MGST1: variants seen among roughly 807,000 people sequenced by gnomAD.
MGST1 encodes the protein glutathione S-transferase 12.
Under a neutral mutation model 8.9 loss-of-function variants are expected in MGST1, and 5 were observed. The ratio of observed to expected loss-of-function variants is 0.56; its 90% CI spans 0.29 to 1.19. The LOEUF is 1.19. Ranked by LOEUF, MGST1 falls within the 50% of genes most tolerant of loss-of-function variation. The probability of loss-of-function intolerance (pLI) is 0.08; values close to 1 mark genes in which losing one functional copy is unlikely to be tolerated. For synonymous variants in MGST1, 54 were observed against 67.8 expected, an observed-to-expected ratio of 0.80 and a Z score of 1.00; for missense variants, 182 against 187.4, an observed-to-expected ratio of 0.97 and a Z score of 0.17.
chr12:16,444,556 C>T (rs1272542695), intron 4 of MGST1, among the ~76,000 whole-genome samples: 1 of 151,914 alleles, frequency 6.6e-6, no homozygotes, highest in Non-Finnish European at 1.5e-5. Flanking sequence ...CAGACACCAT[C>T]ATTTTCAGCT....
chr12:16,360,144 T>G (rs1939921126), intron 3 of MGST1, among the ~76,000 whole-genome samples: 1 of 152,104 alleles, frequency 6.6e-6, no homozygotes, highest in South Asian at 2.1e-4. Context: ...GAGCGGAGTT[T>G]CCAGTTGTAT....
intron 4 of MGST1, among the ~76,000 whole-genome samples, chr12:16,521,516 G>C (rs75382574): frequency 6.6e-6 from 1 of 152,060 alleles, no homozygotes; most frequent in Non-Finnish European, 1.5e-5. Flanking sequence ...AGGCAGTAAA[G>C]AGTTTAATTC....
Position 16,387,814 on chromosome 12 carries a change from C to T in MGST1, n.778+4210C>T, listed in dbSNP as rs935031750. ...GTGCTGGATTACAGGCGTGAGCCGC[C>T]GCACCCTGCTGTTTTCTACTGTATT... On this transcript the variant is annotated intron_variant and non_coding_transcript_variant, in intron 1 of 1. Transcript: ENST00000359720. 2.0e-5 allele frequency among the ~76,000 whole-genome samples: 3 copies of T among 151,724 alleles called. 1 individual carries two copies. Among genetic ancestry groups the T allele is most frequent in the Admixed American group, 2.0e-4 (3 of 15,250 alleles).
chr12:16,457,806 T>C (rs1195026616), intron 4 of MGST1, among the ~76,000 whole-genome samples: 2 of 152,168 alleles, frequency 1.3e-5, no homozygotes, highest in East Asian at 1.9e-4. Context: ...TTCATTATAA[T>C]AGACAGCTTT....
At chr12:16,354,434 C>T in intron 2 of MGST1, 56 bp downstream of exon 2, 1 of 1,539,184 alleles carries the variant, frequency 6.5e-7, no homozygotes, top group Non-Finnish European at 8.7e-7. Context: ...TTCTGGAGAG[C>T]AGTTTTCTTA....
intron 4 of MGST1, among the ~76,000 whole-genome samples, chr12:16,511,315 C>T (rs1941575924): frequency 6.6e-6 from 1 of 152,312 alleles, no homozygotes; most frequent in South Asian, 2.1e-4. Flanking sequence ...GGCTAATGCC[C>T]ATGACTTTGG....
intron 4 of MGST1, among the ~76,000 whole-genome samples, chr12:16,534,139 T>G (rs1347490694): frequency 6.6e-6 from 1 of 152,126 alleles, no homozygotes; most frequent in Non-Finnish European, 1.5e-5. Context: ...ACTATTTAGC[T>G]TACTTTTCCA....
At chr12:16,360,598 C>T (rs1239344227) in intron 3 of MGST1, among the ~76,000 whole-genome samples, 2 of 152,172 alleles carry the variant, frequency 1.3e-5, no homozygotes, top group Non-Finnish European at 2.9e-5. Flanking sequence ...AGACCATATA[C>T]ATTCAACACA....
At chr12:16,550,601 T>C (rs1481711709) in intron 4 of MGST1, 1 of 152,358 alleles carries the variant, frequency 6.6e-6, no homozygotes, top group African/African-American at 2.4e-5. Flanking sequence ...TAGGGGGTTA[T>C]AACAAGAACA....
At chr12:16,479,426 G>A (rs1356205373) in intron 4 of MGST1, among the ~76,000 whole-genome samples, 2 of 151,458 alleles carry the variant, frequency 1.3e-5, no homozygotes, top group Non-Finnish European at 2.9e-5. Flanking sequence ...AGTAGAGACA[G>A]GGTTTCACCG....
At chr12:16,402,215 A>G in intron 1 of MGST1, 1 of 1,586,962 alleles carries the variant, frequency 6.3e-7, no homozygotes, top group South Asian at 1.1e-5. Flanking sequence ...TTTTGTCATC[A>G]CAAAAGACCA....
intron 1 of MGST1, among the ~76,000 whole-genome samples, chr12:16,425,478 T>C (rs1940877625): frequency 6.6e-6 from 1 of 152,160 alleles, no homozygotes; most frequent in Admixed American, 6.5e-5. Context: ...GAGACAGGGT[T>C]TCTCCATGTT....
At chr12:16,405,256 G>C (rs370270268) in intron 1 of MGST1, among the ~76,000 whole-genome samples, 13 of 151,790 alleles carry the variant, frequency 8.6e-5, no homozygotes, top group African/African-American at 2.7e-4. Context: ...AGCTGGTTTC[G>C]TGGAGAAATT....
intron 4 of MGST1, among the ~76,000 whole-genome samples, chr12:16,489,211 G>A (rs1163819694): frequency 6.6e-6 from 1 of 151,796 alleles, no homozygotes; most frequent in Non-Finnish European, 1.5e-5. Flanking sequence ...AACAATTTTG[G>A]GCCATTATAA....
Position 16,544,891 on chromosome 12 carries a change from C to A in MGST1, n.483-44637C>A, listed in dbSNP as rs894963561. On this transcript the variant is annotated intron_variant and non_coding_transcript_variant, in intron 4 of 4. Transcript: ENST00000538857. This position sits in a 1 kb window ranked among gnomAD's most constrained non-coding sequence, Gnocchi z 4.8. ...TGGCTGAAGTTTGCATCATTTTGGA[C>A]AGCATAGCTAGTTCTTGTGCCCCAA... Among the ~76,000 whole-genome samples the A allele has an allele frequency of 2.6e-5, 4 of 152,056 alleles. No individual in the cohort carries two copies. Among genetic ancestry groups the A allele is most frequent in the African/African-American group, 9.7e-5 (4 of 41,444 alleles).
At chr12:16,463,478 A>G (rs1164338221) in intron 4 of MGST1, among the ~76,000 whole-genome samples, 1 of 151,970 alleles carries the variant, frequency 6.6e-6, no homozygotes, top group Non-Finnish European at 1.5e-5. Context: ...GAGCTAATAG[A>G]TGCTGGGCTT....
chr12:16,500,428 C>G lies in MGST1; in HGVS notation n.483-89100C>G, dbSNP rs1016019798. ...AGGGACACATTTCAAGCAGTTTCAACTCTTTTAATTAGAATTTATTTTTAG... is the reference window on the plus strand; with the variant it reads ...AGGGACACATTTCAAGCAGTTTCAAGTCTTTTAATTAGAATTTATTTTTAG... On this transcript the variant is annotated intron_variant and non_coding_transcript_variant, in intron 4 of 4. Coordinates refer to the MGST1 transcript ENST00000538857. This position sits in a 1 kb window ranked among gnomAD's most constrained non-coding sequence, Gnocchi z 4.3. 6.6e-6 allele frequency among the ~76,000 whole-genome samples: 1 copy of G among 152,188 alleles called. No homozygotes were observed. Among genetic ancestry groups the G allele is most frequent in the Non-Finnish European group, 1.5e-5 (1 of 68,028 alleles).
intron 4 of MGST1, among the ~76,000 whole-genome samples, chr12:16,448,426 A>G (rs1941099800): frequency 1.3e-5 from 2 of 151,768 alleles, no homozygotes; most frequent in Admixed American, 1.3e-4. Flanking sequence ...TCAGCTAAGC[A>G]AGGGCAGGCT....
chr12:16,486,517 A>G (rs1463930967), intron 4 of MGST1, among the ~76,000 whole-genome samples: 1 of 152,254 alleles, frequency 6.6e-6, no homozygotes, highest in African/African-American at 2.4e-5. Flanking sequence ...TTATCTCAAT[A>G]TATTTGATAA....
Sources: allele counts gnomAD v4.1 joint callset (sites outside exome capture counted in the v4.1 genomes callset), GRCh38; gene constraint gnomAD v4.1.1; non-coding constraint Gnocchi (gnomAD v3.1); transcripts MANE v1.5; gene names NCBI Gene and HGNC (gene_info 2026-07-23, HGNC 2026-07-21).